Variants in ME3 observed in about 807,000 individuals in gnomAD.
ME3 encodes the protein NADP-dependent malic enzyme, mitochondrial.
Under a neutral mutation model 68.9 loss-of-function variants are expected in ME3, and 48 were observed. That is an observed-to-expected ratio of 0.70 (90% confidence interval 0.55 to 0.89). The LOEUF is 0.89. Ranked by LOEUF, ME3 falls within the 40% of genes least tolerant of loss-of-function variation. ME3 has a pLI of 0.00. For missense variants in ME3, 675 were observed against 797.4 expected (o/e 0.85, Z 1.85); for synonymous variants, 320 against 318.8 (o/e 1.00, Z -0.04).
chr11:86,440,778 C>T (rs758845956), downstream of ME3, among the ~76,000 whole-genome samples: 14 of 152,174 alleles, frequency 9.2e-5, no homozygotes, highest in Non-Finnish European at 2.1e-4. Context: ...TTCATCTCCC[C>T]ATGACTCCCA....
chr11:86,576,288 C>G (rs960327586), intron 2 of ME3, among the ~76,000 whole-genome samples: 2 of 152,036 alleles, frequency 1.3e-5, no homozygotes, highest in Non-Finnish European at 2.9e-5. Context: ...AGAGAGGAGG[C>G]CAAGAGAAGT....
At chr11:86,515,404 G>A (rs1953826633) in intron 4 of ME3, among the ~76,000 whole-genome samples, 1 of 152,112 alleles carries the variant, frequency 6.6e-6, no homozygotes, top group Non-Finnish European at 1.5e-5. Flanking sequence ...GTGGAGGTGA[G>A]ATTAGAACAC....
At chr11:86,544,244 A>G (rs1234038087) in intron 4 of ME3, among the ~76,000 whole-genome samples, 1 of 152,212 alleles carries the variant, frequency 6.6e-6, no homozygotes, top group African/African-American at 2.4e-5. Flanking sequence ...AATTAAAAGA[A>G]CTAGAGAGGC....
At chr11:86,469,134 G>A (rs997533567) in intron 7 of ME3, among the ~76,000 whole-genome samples, 2 of 152,314 alleles carry the variant, frequency 1.3e-5, no homozygotes, top group Non-Finnish European at 1.5e-5. Flanking sequence ...GTATGGTGAA[G>A]AAAACATTGA....
intron 2 of ME3, among the ~76,000 whole-genome samples, chr11:86,568,787 TG>T (rs1266620271): frequency 4.6e-5 from 7 of 152,222 alleles, no homozygotes; most frequent in African/African-American, 1.7e-4. Flanking sequence ...AGCCCTACTG[TG>T]TACTTGACAA....
intron 2 of ME3, among the ~76,000 whole-genome samples, chr11:86,627,556 C>G (rs1026550433): frequency 1.3e-5 from 2 of 152,180 alleles, no homozygotes; most frequent in African/African-American, 4.8e-5. Context: ...TTCAATCAGA[C>G]ACACAATAAA....
chr11:86,547,254 A>AAG (rs1956416319), intron 4 of ME3, among the ~76,000 whole-genome samples: 1 of 151,496 alleles, frequency 6.6e-6, no homozygotes, highest in African/African-American at 2.4e-5. Context: ...AAAAAAAAAA[A>AAG]AAAAAAGAAA....
chr11:86,514,479 A>G (rs1953750982), intron 4 of ME3, among the ~76,000 whole-genome samples: 1 of 152,186 alleles, frequency 6.6e-6, no homozygotes, highest in Non-Finnish European at 1.5e-5. Flanking sequence ...TGAGGCTGGA[A>G]TGGGGATTTT....
chr11:86,618,590 T>C (rs1251342735), intron 2 of ME3, among the ~76,000 whole-genome samples: 1 of 152,144 alleles, frequency 6.6e-6, no homozygotes, highest in African/African-American at 2.4e-5. Flanking sequence ...CCTGCCCAAA[T>C]CTCATGTTGA....
chr11:86,454,060 C>T (rs1309715405), intron 8 of ME3, among the ~76,000 whole-genome samples: 2 of 152,182 alleles, frequency 1.3e-5, no homozygotes, highest in Non-Finnish European at 2.9e-5. Context: ...CAATCAGCAA[C>T]ACTCCACGAT....
intron 2 of ME3, among the ~76,000 whole-genome samples, chr11:86,639,594 T>C (rs1944541433): frequency 6.6e-6 from 1 of 152,204 alleles, no homozygotes; most frequent in Non-Finnish European, 1.5e-5. Context: ...GAGCTTTCTA[T>C]TGGGTCTGGA....
chr11:86,617,045 GT>G (rs563738961), intron 2 of ME3, among the ~76,000 whole-genome samples: 1,428 of 55,786 alleles, frequency 0.026, 5 homozygotes, highest in Middle Eastern at 0.053. Context: ...CAAGATAGTA[GT>G]TTTTTTTTTT....
intron 4 of ME3, among the ~76,000 whole-genome samples, chr11:86,555,424 A>G (rs1956878249): frequency 6.6e-6 from 1 of 152,322 alleles, no homozygotes; most frequent in East Asian, 1.9e-4. Context: ...ATAAGAGAAC[A>G]GGAGTCTCCT....
At chr11:86,518,966 C>G (rs76025597) in intron 4 of ME3, among the ~76,000 whole-genome samples, 1 of 152,182 alleles carries the variant, frequency 6.6e-6, no homozygotes, top group Admixed American at 6.5e-5. Flanking sequence ...CAAGGAGTGT[C>G]CCCCACAGGT....
intron 2 of ME3, among the ~76,000 whole-genome samples, chr11:86,651,236 G>A (rs562203060): frequency 6.6e-6 from 1 of 152,328 alleles, no homozygotes; most frequent in East Asian, 1.9e-4. Context: ...TGACAGCTTG[G>A]AAGACAGTAG....
chr11:86,562,040 G>A (rs1957262250), intron 2 of ME3, among the ~76,000 whole-genome samples: 2 of 152,060 alleles, frequency 1.3e-5, no homozygotes, highest in African/African-American at 4.8e-5. Context: ...TAGTTTCACT[G>A]CACTAAAAAT....
rs114115847 is a variant in ME3, at chr11:86,568,122, C to T, written c.184-8299G>A. Among the ~76,000 whole-genome samples, 698 of 152,244 alleles carry T rather than the reference C, an allele frequency of 4.6e-3. 5 individuals are homozygous for T. Among genetic ancestry groups the T allele is most frequent in the African/African-American group, 0.016 (676 of 41,546 alleles). On this transcript the variant is annotated intron_variant, in intron 2 of 14. Transcript: ENST00000543262. ...AACAAAACTCTCAATATAAGACAGG[C>T]GGCTTTTGAAAAATGGCTGATTCTC...
downstream of ME3, chr11:86,441,040 A>G (rs1250992082): frequency 1.8e-5 from 6 of 335,044 alleles, no homozygotes; most frequent in Admixed American, 2.8e-4. Flanking sequence ...GTAGTTGGTG[A>G]TTAATGGTTG....
chr11:86,508,645 G>C, intron 5 of ME3, 147 bp downstream of exon 5: 2 of 688,522 alleles, frequency 2.9e-6, no homozygotes, highest in Non-Finnish European at 5.1e-6. Context: ...TTTGTACTTG[G>C]CTATAACAGG....
Sources: allele counts gnomAD v4.1 joint callset (sites outside exome capture counted in the v4.1 genomes callset), GRCh38; gene constraint gnomAD v4.1.1; transcripts MANE v1.5; gene names NCBI Gene and HGNC (gene_info 2026-07-23, HGNC 2026-07-21).